Variants in TMPRSS15 observed in about 807,000 individuals in gnomAD.
TMPRSS15 encodes the protein transmembrane serine protease 15.
Under a neutral mutation model 125.3 loss-of-function variants are expected in TMPRSS15, and 128 were observed. The ratio of observed to expected loss-of-function variants is 1.02; its 90% CI spans 0.89 to 1.18. The LOEUF is 1.18. TMPRSS15 is among the 50% of genes most tolerant of loss of function. The probability of loss-of-function intolerance (pLI) is 0.00; values close to 1 mark genes in which losing one functional copy is unlikely to be tolerated. For missense variants in TMPRSS15, 1,283 were observed against 1,212.7 expected, an observed-to-expected ratio of 1.06 and a Z score of -0.86; for synonymous variants, 446 against 423.2, an observed-to-expected ratio of 1.05 and a Z score of -0.66.
chr21:18,354,420 A>AT (rs919581935), intron 8 of TMPRSS15, among the ~76,000 whole-genome samples: 1,868 of 149,316 alleles, frequency 0.013, 38 homozygotes, highest in African/African-American at 0.043. Flanking sequence ...TGCTTAGAGG[A>AT]TTTTTTTTTT....
At chr21:18,431,448 C>T (rs1204867512) in intron 1 of TMPRSS15, among the ~76,000 whole-genome samples, 1 of 152,064 alleles carries the variant, frequency 6.6e-6, no homozygotes, top group Non-Finnish European at 1.5e-5. Context: ...TCCATTGAAA[C>T]TTCGGAATTT....
chr21:18,462,125 A>C (rs945120632), intron 1 of TMPRSS15, among the ~76,000 whole-genome samples: 1 of 152,160 alleles, frequency 6.6e-6, no homozygotes, highest in Non-Finnish European at 1.5e-5. Flanking sequence ...CATGTAGAAA[A>C]TATATTTCAT....
At chr21:18,413,466 G>A (rs901208636) in intron 1 of TMPRSS15, among the ~76,000 whole-genome samples, 1 of 150,682 alleles carries the variant, frequency 6.6e-6, no homozygotes, top group African/African-American at 2.4e-5. Flanking sequence ...CACCCAGGCT[G>A]GAGTGCAGTG....
intron 19 of TMPRSS15, among the ~76,000 whole-genome samples, chr21:18,296,007 G>A (rs1380922532): frequency 6.6e-6 from 1 of 152,136 alleles, no homozygotes; most frequent in Non-Finnish European, 1.5e-5. Flanking sequence ...ACAAAAATTA[G>A]CCAGGCGTGG....
intron 1 of TMPRSS15, among the ~76,000 whole-genome samples, chr21:18,428,057 T>G (rs1421836389): frequency 6.6e-6 from 1 of 152,326 alleles, no homozygotes; most frequent in African/African-American, 2.4e-5. Flanking sequence ...AGAGTTACAA[T>G]GGGAAACTTC....
intron 18 of TMPRSS15, among the ~76,000 whole-genome samples, chr21:18,301,057 T>C (rs1393427628): frequency 6.6e-6 from 1 of 152,214 alleles, no homozygotes; most frequent in Admixed American, 6.5e-5. Flanking sequence ...AAATATGTCG[T>C]CTTGGGTTAT....
At chr21:18,294,164 G>C in intron 21 of TMPRSS15, 106 bp downstream of exon 21, 1 of 1,324,906 alleles carries the variant, frequency 7.5e-7, no homozygotes, top group Non-Finnish European at 1.1e-6. Flanking sequence ...ATAAACAGCA[G>C]GATTTCCCTG....
At chr21:18,360,180 T>C (rs1286989931) in intron 7 of TMPRSS15, among the ~76,000 whole-genome samples, 1 of 152,142 alleles carries the variant, frequency 6.6e-6, no homozygotes, top group African/African-American at 2.4e-5. Flanking sequence ...TTCATGTAAA[T>C]GAATTCATGC....
Position 18,315,724 on chromosome 21 carries a change from G to A in TMPRSS15, c.1922-468C>T, listed in dbSNP as rs13046109. ...GTCCTTTGCCACAGCTCAAGGTGGA[G>A]CTAGCTTTGATACTGAGTAAATGAC... On this transcript the variant is annotated intron_variant, in intron 16 of 24. Transcript: ENST00000284885. 2.1e-3 allele frequency among the ~76,000 whole-genome samples: 163 copies of A among 77,918 alleles called. 8 individuals are homozygous for A. The highest frequency in any genetic ancestry group is 4.7e-3 in the African/African-American group (126 of 26,742). 51.1% of individuals were successfully genotyped at this position (77,918 alleles called of 152,430 possible).
In TMPRSS15 at chr21:18,326,465, T is replaced by C. The variant is rs375750429; in HGVS notation, c.1888A>G (p.Asn630Asp). The change falls in exon 16 of 25, where the codon AAC becomes GAC. Residue 630 changes from asparagine (N) to aspartate (D), a missense_variant. Physicochemically the swap from Asn to Asp is conservative, Grantham distance 23. Transcript: ENST00000284885. Reference protein sequence around the residue: ...DVLARGGFKANFTTGYHLGIP... With the variant: ...DVLARGGFKADFTTGYHLGIP... ...CCCAAGTGATAGCCAGTAGTAAAGT[T>C]TGCTTTAAACCCTCCTCTTGCCAAC... 1.7e-4 allele frequency: 273 copies of C among 1,614,056 alleles called. No homozygotes were observed. Among genetic ancestry groups the C allele is most frequent in the Non-Finnish European group, 2.2e-4 (265 of 1,180,016 alleles).
At chr21:18,286,290 A>C (rs955056636) in intron 21 of TMPRSS15, among the ~76,000 whole-genome samples, 2 of 152,170 alleles carry the variant, frequency 1.3e-5, no homozygotes, top group African/African-American at 2.4e-5. Context: ...CACTGGCCTC[A>C]TACATAATCT....
chr21:18,418,306 T>C (rs747541930), intron 1 of TMPRSS15, among the ~76,000 whole-genome samples: 2 of 152,240 alleles, frequency 1.3e-5, no homozygotes, highest in Admixed American at 1.3e-4. Context: ...AAAAGTGTTC[T>C]GTGGTCTTTC....
chr21:18,415,954 G>T (rs147650745), intron 1 of TMPRSS15, among the ~76,000 whole-genome samples: 204 of 152,070 alleles, frequency 1.3e-3, no homozygotes, highest in African/African-American at 4.5e-3. Context: ...GAGTAAATAT[G>T]CAGGATACAA....
At chr21:18,348,803 T>G (rs993350338) in intron 10 of TMPRSS15, among the ~76,000 whole-genome samples, 2 of 152,228 alleles carry the variant, frequency 1.3e-5, no homozygotes, top group African/African-American at 2.4e-5. Flanking sequence ...TGTATGTTTC[T>G]CGAATACTTT....
intron 1 of TMPRSS15, among the ~76,000 whole-genome samples, chr21:18,447,967 A>C (rs2076259168): frequency 6.6e-6 from 1 of 152,170 alleles, no homozygotes; most frequent in Non-Finnish European, 1.5e-5. Context: ...ATAAAAAGGA[A>C]ATGCTGGTGA....
intron 4 of TMPRSS15, among the ~76,000 whole-genome samples, chr21:18,382,498 A>C (rs1374181300): frequency 6.6e-6 from 1 of 152,190 alleles, no homozygotes; most frequent in Admixed American, 6.6e-5. Flanking sequence ...AAGCAACTAG[A>C]GATCTACAAT....
At chr21:18,419,956 G>A (rs372518075) in intron 1 of TMPRSS15, among the ~76,000 whole-genome samples, 6 of 152,128 alleles carry the variant, frequency 3.9e-5, no homozygotes, top group Non-Finnish European at 7.4e-5. Flanking sequence ...AATCAACAAC[G>A]GACACACAAT....
At chr21:18,286,440 A>C (rs2074766009) in intron 21 of TMPRSS15, among the ~76,000 whole-genome samples, 1 of 152,202 alleles carries the variant, frequency 6.6e-6, no homozygotes, top group Non-Finnish European at 1.5e-5. Context: ...TGGATGTCTA[A>C]TAGGCAGTCC....
chr21:18,395,387 T>G (rs1464408548), intron 3 of TMPRSS15, among the ~76,000 whole-genome samples: 1 of 152,204 alleles, frequency 6.6e-6, no homozygotes, highest in African/African-American at 2.4e-5. Flanking sequence ...AACCACACAT[T>G]AATAATTCAC....
Sources: gnomAD v4.1 joint callset for allele counts (sites outside exome capture counted in the v4.1 genomes callset) on GRCh38, gnomAD v4.1.1 for gene constraint, MANE v1.5 for transcripts, NCBI Gene and HGNC (gene_info 2026-07-23, HGNC 2026-07-21) for gene names.